The following NUB1 variants were observed in gnomAD, a reference collection of about 807,000 sequenced individuals.
NUB1 encodes negative regulator of ubiquitin like proteins 1, also known as NEDD8 ultimate buster 1.
In NUB1, 41 loss-of-function variants were observed where a neutral mutation model predicts 77.1. That is an observed-to-expected ratio of 0.53 (90% confidence interval 0.41 to 0.69). The LOEUF (loss-of-function observed/expected upper bound fraction) is 0.69, where lower values mean the gene tolerates loss of function less well. Among genes scored for constraint, NUB1 ranks in the 30% least tolerant of loss-of-function variants. The probability of loss-of-function intolerance (pLI) is 0.00; values close to 1 mark genes in which losing one functional copy is unlikely to be tolerated. For synonymous variants in NUB1, 257 were observed against 281.0 expected (o/e 0.91, Z 0.85); for missense variants, 643 against 743.8 (o/e 0.86, Z 1.58).
At chr7:151,374,349 G>T in intron 12 of NUB1, 106 bp downstream of exon 12, 2 of 1,386,184 alleles carry the variant, frequency 1.4e-6, no homozygotes, top group African/African-American at 1.4e-5. Flanking sequence ...CCTATGGGCT[G>T]CCCCGTCATC....
At chr7:151,350,375 C>G (rs1187089692) in intron 3 of NUB1, among the ~76,000 whole-genome samples, 1 of 152,102 alleles carries the variant, frequency 6.6e-6, no homozygotes, top group East Asian at 1.9e-4. Flanking sequence ...GTAACAGGTG[C>G]CTTCCCAGGC....
chr7:151,368,848 C>G lies in NUB1; in HGVS notation c.1209C>G (p.Asn403Lys). Residue 403 changes from asparagine (N) to lysine (K), a missense_variant, in exon 11 of 15, where the codon AAC (asparagine) becomes AAG (lysine). Asn to Lys is a moderately conservative substitution (Grantham distance 94). Coordinates refer to ENST00000568733, the MANE Select transcript of NUB1 (RefSeq NM_001243351.2). ...ARLGLRACDG[N>K]VDHAATHITN... Reference sequence around the variant, plus strand: ...TTGGCCTGAGGGCGTGTGATGGGAACGTGGATCATGCGGCCACTCATATTA... The same window carrying G: ...TTGGCCTGAGGGCGTGTGATGGGAAGGTGGATCATGCGGCCACTCATATTA... 1 of 1,613,912 alleles carries G rather than the reference C, an allele frequency of 6.2e-7. No individual in the cohort carries two copies. Among genetic ancestry groups the G allele is most frequent in the Non-Finnish European group, 8.5e-7 (1 of 1,179,846 alleles).
intron 7 of NUB1, among the ~76,000 whole-genome samples, chr7:151,356,601 GA>G (rs1200908271): frequency 6.6e-6 from 1 of 152,176 alleles, no homozygotes; most frequent in Non-Finnish European, 1.5e-5. Flanking sequence ...TGTCGTTTGG[GA>G]AAAGTCCACA....
chr7:151,351,367 A>G (rs76859081), intron 3 of NUB1, 57 bp from the exon 4 acceptor site: 161 of 1,273,162 alleles, frequency 1.3e-4, no homozygotes, highest in Admixed American at 6.1e-4. Flanking sequence ...TTCACAGGGT[A>G]ATCTCTCCAA....
At chr7:151,350,733 G>C (rs1381420193) in intron 3 of NUB1, among the ~76,000 whole-genome samples, 1 of 151,760 alleles carries the variant, frequency 6.6e-6, no homozygotes, top group African/African-American at 2.4e-5. Context: ...TTGTGCCCTC[G>C]GTCTCTTGCC....
At chr7:151,362,286 C>G (rs1323259306) in intron 8 of NUB1, among the ~76,000 whole-genome samples, 1 of 151,990 alleles carries the variant, frequency 6.6e-6, no homozygotes, top group African/African-American at 2.4e-5. Flanking sequence ...TCTATTTATC[C>G]TGGCCAACTT....
rs1386659634 is a variant in NUB1 at position 151,341,832 on chromosome 7, AGTGGC to A, written c.-10_-6del. Reference sequence around the variant, plus strand: ...CGGGCACTCTGCTGGTCGCGGCGGGAGTGGCGTGGCGCAGGTGAGGACACGGCGGC... The same window carrying A: ...CGGGCACTCTGCTGGTCGCGGCGGGAGTGGCGCAGGTGAGGACACGGCGGC... On this transcript the variant is annotated 5_prime_UTR_variant, in exon 1 of 15. Transcript: ENST00000568733. The A allele has an allele frequency of 6.6e-7, 1 of 1,506,658 alleles. No individual in the cohort carries two copies. The allele number at this position is 1,506,658 out of a possible 1,614,324, so 93.3% of individuals were successfully genotyped here.
At chr7:151,356,553 C>T (rs1187881459) in intron 7 of NUB1, among the ~76,000 whole-genome samples, 1 of 152,206 alleles carries the variant, frequency 6.6e-6, no homozygotes, top group Non-Finnish European at 1.5e-5. Context: ...AGAACCTTGT[C>T]CCCTAAGGGA....
chr7:151,367,500 G>A (rs1402486146), intron 9 of NUB1, among the ~76,000 whole-genome samples: 1 of 152,190 alleles, frequency 6.6e-6, no homozygotes, highest in Non-Finnish European at 1.5e-5. Flanking sequence ...CTCAAGAGCT[G>A]TGGCTCGAGT....
rs183154632 is a variant in NUB1, at chr7:151,352,336, C to T, written c.345-476C>T. 1.6e-3 allele frequency: 530 copies of T among 323,514 alleles called. 1 individual carries two copies. Among genetic ancestry groups the T allele is most frequent in the African/African-American group, 0.01 (481 of 46,516 alleles). The allele number at this position is 323,514 out of a possible 1,614,324, so 20.0% of individuals were successfully genotyped here. A position where few individuals can be genotyped will look rare whatever the true frequency, so the allele number is the denominator to read the frequency against. On this transcript the variant is annotated intron_variant, in intron 4 of 14. Coordinates refer to ENST00000568733, the MANE Select transcript of NUB1 (RefSeq NM_001243351.2). ...CTTGTCTCCTACAGTTTCAAATAGCCGTCTAGTAAGATGGCTTTATTGTGA... is the reference window on the plus strand; with the variant it reads ...CTTGTCTCCTACAGTTTCAAATAGCTGTCTAGTAAGATGGCTTTATTGTGA...
chr7:151,351,677 A>G (rs1038546463), intron 4 of NUB1, among the ~76,000 whole-genome samples, 195 bp downstream of exon 4: 13 of 152,188 alleles, frequency 8.5e-5, no homozygotes, highest in African/African-American at 2.7e-4. Context: ...TGAGGACTCA[A>G]GACTTGCAAG....
intron 5 of NUB1, 43 bp from the exon 6 acceptor site, chr7:151,355,725 C>G (rs370353337): frequency 6.7e-7 from 1 of 1,503,594 alleles, no homozygotes; most frequent in African/African-American, 1.4e-5. Context: ...ACCTGGTAAG[C>G]TTAATGGCTT....
chr7:151,354,854 C>T (rs773293109), intron 5 of NUB1, among the ~76,000 whole-genome samples: 31 of 152,210 alleles, frequency 2.0e-4, no homozygotes, highest in Non-Finnish European at 3.8e-4. Context: ...GCAATCCTCC[C>T]ACCTCAGCTT....
At chr7:151,357,079 C>T (rs959674336) in intron 7 of NUB1, among the ~76,000 whole-genome samples, 1 of 152,082 alleles carries the variant, frequency 6.6e-6, no homozygotes, top group Non-Finnish European at 1.5e-5. Flanking sequence ...TACAGTGGCA[C>T]CATCATAGCT....
intron 4 of NUB1, among the ~76,000 whole-genome samples, 177 bp downstream of exon 4, chr7:151,351,659 T>G (rs1256659160): frequency 6.6e-6 from 1 of 152,134 alleles, no homozygotes; most frequent in Non-Finnish European, 1.5e-5. Flanking sequence ...GGTAGGTAAG[T>G]GGCAAAGTGA....
chr7:151,375,509 A>G (rs1251225870), intron 12 of NUB1, among the ~76,000 whole-genome samples: 1 of 152,240 alleles, frequency 6.6e-6, no homozygotes, highest in Non-Finnish European at 1.5e-5. Flanking sequence ...TGACGCTTTC[A>G]AAGATCAATC....
intron 11 of NUB1, 68 bp from the exon 12 acceptor site, chr7:151,374,029 A>G (rs985508093): frequency 6.8e-7 from 1 of 1,470,538 alleles, no homozygotes; most frequent in Non-Finnish European, 9.1e-7. Flanking sequence ...AATCCTGCAG[A>G]GCGCAGACTG....
At chr7:151,371,837 G>A (rs949949769) in intron 11 of NUB1, among the ~76,000 whole-genome samples, 4 of 152,126 alleles carry the variant, frequency 2.6e-5, no homozygotes, top group Admixed American at 2.6e-4. Context: ...TTGATCTCCC[G>A]GGCTCCAATG....
At chr7:151,371,084 C>G (rs1177888184) in intron 11 of NUB1, among the ~76,000 whole-genome samples, 1 of 151,966 alleles carries the variant, frequency 6.6e-6, no homozygotes, top group Non-Finnish European at 1.5e-5. Flanking sequence ...AGTTAAAAGC[C>G]CTTGGAGAAA....
Sources: allele counts gnomAD v4.1 joint callset (sites outside exome capture counted in the v4.1 genomes callset), GRCh38; gene constraint gnomAD v4.1.1; transcripts MANE v1.5; gene names NCBI Gene and HGNC (gene_info 2026-07-23, HGNC 2026-07-21).